UPK3A: variants seen among roughly 807,000 people sequenced by gnomAD.
The protein encoded by UPK3A is uroplakin 3A.
UPK3A carries 32 observed loss-of-function variants against 27.6 expected under a neutral mutation model. That is an observed-to-expected ratio of 1.16 (90% CI 0.87 to 1.55). UPK3A has a LOEUF of 1.55. Ranked by LOEUF, UPK3A falls within the 40% of genes most tolerant of loss-of-function variation. The pLI is 0.00. For synonymous variants in UPK3A, 171 were observed against 163.9 expected (o/e 1.04, Z -0.33); for missense variants, 370 against 367.9 (o/e 1.01, Z -0.05).
chr22:45,289,917 T>C (rs1447417240), intron 4 of UPK3A, among the ~76,000 whole-genome samples: 1 of 152,154 alleles, frequency 6.6e-6, no homozygotes, highest in Non-Finnish European at 1.5e-5. Context: ...CTCCAGCCCT[T>C]ACAGTGGGTT....
intron 4 of UPK3A, among the ~76,000 whole-genome samples, chr22:45,292,413 G>A (rs980143871): frequency 3.9e-5 from 6 of 152,198 alleles, no homozygotes; most frequent in African/African-American, 1.2e-4. Context: ...TGGAACAGTA[G>A]CTGCAAGTGG....
rs145723454 is a variant in UPK3A at position 45,289,144 on chromosome 22, G to A, written c.571+1G>A. On this transcript the variant is annotated splice_donor_variant, in intron 4 of 5. Coordinates refer to ENST00000216211, the MANE Select transcript of UPK3A (RefSeq NM_006953.4). LOFTEE classifies it high-confidence loss of function. ...TCAGACCCCATCCGCACCAACCAGCGTAAGTGGTGGGCAGTGGTGGTGGTG... is the reference window on the plus strand; with the variant it reads ...TCAGACCCCATCCGCACCAACCAGCATAAGTGGTGGGCAGTGGTGGTGGTG... 1,090 of 1,613,932 alleles carry A rather than the reference G, an allele frequency of 6.8e-4. 10 individuals are homozygous for A. The African/African-American group carries it at 0.012, about 18-fold the overall frequency.
intron 3 of UPK3A, among the ~76,000 whole-genome samples, chr22:45,288,532 C>T (rs912969926): frequency 6.6e-6 from 1 of 152,082 alleles, no homozygotes; most frequent in Non-Finnish European, 1.5e-5. Flanking sequence ...AGGGTTTTGC[C>T]ATGTTGGCCA....
chr22:45,294,816 C>CCTG (rs1235250845), intron 5 of UPK3A, among the ~76,000 whole-genome samples: 1 of 151,978 alleles, frequency 6.6e-6, no homozygotes, highest in Non-Finnish European at 1.5e-5. Context: ...CTCAGCCCTT[C>CCTG]CTGCCTCACA....
rs1601845887 is a variant in UPK3A at position 45,284,977 on chromosome 22, A to C, written c.-37A>C. On this transcript the variant is annotated 5_prime_UTR_variant, in exon 1 of 6. Coordinates refer to ENST00000216211, the MANE Select transcript of UPK3A (RefSeq NM_006953.4). ...TCTGGTGCCCGCGCCTGCTCGCTGG[A>C]CCGCCCGCCCCGCGCTCTGGCGGCT... 1 of 1,526,638 alleles carries C rather than the reference A, an allele frequency of 6.6e-7. No individual in the cohort carries two copies. The highest frequency in any genetic ancestry group is 8.8e-7 in the Non-Finnish European group (1 of 1,142,526). The allele number at this position is 1,526,638 out of a possible 1,614,324, so 94.6% of individuals were successfully genotyped here.
At chr22:45,287,064 C>T (rs1267544851) in intron 2 of UPK3A, 108 bp from the exon 3 acceptor site, 5 of 1,551,490 alleles carry the variant, frequency 3.2e-6, no homozygotes, top group Non-Finnish European at 4.4e-6. Flanking sequence ...TGCCAGTGCC[C>T]AGCACAGAGC....
At chr22:45,286,170 G>T in intron 2 of UPK3A, 74 bp downstream of exon 2, 1 of 1,585,738 alleles carries the variant, frequency 6.3e-7, no homozygotes, top group Non-Finnish European at 8.6e-7. Flanking sequence ...GAAGGAGGCA[G>T]ATAGAGGAAC....
chr22:45,285,200 A>C (rs554140115), intron 1 of UPK3A, 135 bp downstream of exon 1: 1 of 802,060 alleles, frequency 1.2e-6, no homozygotes, highest in Non-Finnish European at 1.9e-6. Context: ...GTGATAGCCA[A>C]CGTTTACGGG....
At chr22:45,285,088 G>T in intron 1 of UPK3A, 23 bp downstream of exon 1, 1 of 1,533,682 alleles carries the variant, frequency 6.5e-7, no homozygotes, top group Non-Finnish European at 8.7e-7. Flanking sequence ...GGGCAGGAGG[G>T]GGCTGAGCCC....
rs572462443 is a variant in UPK3A, at chr22:45,288,865, G to C, written c.489-196G>C. On this transcript the variant is annotated intron_variant, in intron 3 of 5. Transcript: ENST00000216211. ...GGCAGCTGATCCAGGGAGGGGTCCT[G>C]GGGGGGGTCCTATTGGCCAAGCTCA... Among the ~76,000 whole-genome samples, 9 of 150,094 alleles carry C rather than the reference G, an allele frequency of 6.0e-5. No individual in the cohort carries two copies. The East Asian group carries it at 1.5e-3, about 26-fold the overall frequency.
chr22:45,289,537 C>T (rs2084144576), intron 4 of UPK3A, among the ~76,000 whole-genome samples: 1 of 145,146 alleles, frequency 6.9e-6, no homozygotes, highest in South Asian at 2.2e-4. Context: ...AAGATGACAC[C>T]ACTGCATTCC....
Position 45,295,763 on chromosome 22 carries a change from T to C in UPK3A, c.*44T>C, listed in dbSNP as rs1236266268. On this transcript the variant is annotated 3_prime_UTR_variant, in exon 6 of 6. Coordinates refer to ENST00000216211, the MANE Select transcript of UPK3A (RefSeq NM_006953.4). ...GCAGCAGCATCCTCCTCTCTGGCCT[T>C]GCCCCAGGCCCTGCAGCGGTGGTTG... The C allele has an allele frequency of 5.6e-6, 9 of 1,610,626 alleles. No individual in the cohort carries two copies. The highest frequency in any genetic ancestry group is 7.6e-6 in the Non-Finnish European group (9 of 1,179,054).
intron 5 of UPK3A, 116 bp downstream of exon 5, chr22:45,293,429 G>T (rs1056000713): frequency 1.6e-5 from 21 of 1,352,874 alleles, no homozygotes; most frequent in Non-Finnish European, 2.1e-5. Context: ...AGGCAAGGAA[G>T]CTACCCTCTG....
At position 45,286,030 on chromosome 22, in the gene UPK3A, A is replaced by C; in HGVS notation, c.142A>C (p.Met48Leu). ...TGTGGCCTTGGAAAAGCCTCTCTGC[A>C]TGTTTGACAGCAAAGAGGCCCTCAC... ...TTVALEKPLC[M>L]FDSKEALTGT... Residue 48 changes from methionine (M) to leucine (L), a missense_variant, in exon 2 of 6, where the codon ATG (methionine) becomes CTG (leucine). Met to Leu is a conservative substitution (Grantham distance 15). Transcript: ENST00000216211. 6.2e-7 allele frequency: 1 copy of C among 1,614,156 alleles called. No individual in the cohort carries two copies.
chr22:45,292,426 G>T (rs1440895095), intron 4 of UPK3A, among the ~76,000 whole-genome samples: 1 of 152,176 alleles, frequency 6.6e-6, no homozygotes, highest in African/African-American at 2.4e-5. Context: ...GCAAGTGGCT[G>T]GCTGCAGTAG....
intron 4 of UPK3A, among the ~76,000 whole-genome samples, chr22:45,289,920 A>G (rs983993203): frequency 6.6e-6 from 1 of 152,102 alleles, no homozygotes; most frequent in Non-Finnish European, 1.5e-5. Context: ...CAGCCCTTAC[A>G]GTGGGTTGGC....
chr22:45,289,217 C>T (rs1218551442), intron 4 of UPK3A, 74 bp downstream of exon 4: 1 of 1,477,934 alleles, frequency 6.8e-7, no homozygotes, highest in Non-Finnish European at 9.4e-7. Flanking sequence ...GCGGTGAGAA[C>T]CAAGGCTCCT....
In UPK3A at chr22:45,286,034, T is replaced by C. The variant is rs1182713718; in HGVS notation, c.146T>C (p.Phe49Ser). Residue 49 changes from phenylalanine to serine, a missense_variant, in exon 2 of 6, where the codon TTT becomes TCT. Physicochemically the swap from Phe to Ser is radical, Grantham distance 155. Transcript: ENST00000216211. ...TVALEKPLCM[F>S]DSKEALTGTH... ...GCCTTGGAAAAGCCTCTCTGCATGT[T>C]TGACAGCAAAGAGGCCCTCACTGGC... The C allele has an allele frequency of 1.2e-6, 2 of 1,614,154 alleles. No individual in the cohort carries two copies. The highest frequency in any genetic ancestry group is 2.2e-5 in the East Asian group (1 of 44,876).
intron 3 of UPK3A, among the ~76,000 whole-genome samples, chr22:45,288,170 A>G (rs2084132887): frequency 6.6e-6 from 1 of 151,182 alleles, no homozygotes; most frequent in African/African-American, 2.4e-5. Flanking sequence ...AACCCTACCA[A>G]AGCCTTGCCA....
Sources: allele counts gnomAD v4.1 joint callset (sites outside exome capture counted in the v4.1 genomes callset), GRCh38; gene constraint gnomAD v4.1.1; transcripts MANE v1.5; gene names NCBI Gene and HGNC (gene_info 2026-07-23, HGNC 2026-07-21).